Variants in NETO2 observed in about 807,000 individuals in gnomAD.
The protein encoded by NETO2 is neuropilin and tolloid like 2, also known as neuropilin and tolloid-like protein 2.
Under a neutral mutation model 62.5 loss-of-function variants are expected in NETO2, and 28 were observed. The observed-to-expected ratio is 0.45, with a 90% CI of 0.33 to 0.61. NETO2 has a LOEUF of 0.61. NETO2 is among the 20% of genes least tolerant of loss of function. The pLI is 0.02. For missense variants in NETO2, 548 were observed against 643.2 expected, an observed-to-expected ratio of 0.85 and a Z score of 1.60; for synonymous variants, 214 against 219.1, an observed-to-expected ratio of 0.98 and a Z score of 0.21.
intron 4 of NETO2, among the ~76,000 whole-genome samples, chr16:47,127,896 A>G (rs1050989905): frequency 2.0e-5 from 3 of 152,234 alleles, no homozygotes; most frequent in African/African-American, 7.2e-5. Context: ...TATTCTTTCT[A>G]TTGCTCAATA....
At position 47,078,040 on chromosome 16, in the gene NETO2, T is replaced by A. The variant is rs1455944675; in HGVS notation, c.*5181A>T. 1 of 152,240 alleles carries A rather than the reference T, an allele frequency of 6.6e-6. No homozygotes were observed. Among genetic ancestry groups the A allele is most frequent in the Non-Finnish European group, 1.5e-5 (1 of 68,038 alleles). The allele number at this position is 152,240 out of a possible 1,614,324, so 9.4% of individuals were successfully genotyped here. A position where few individuals can be genotyped will look rare whatever the true frequency, so the allele number is the denominator to read the frequency against. ...CCTCACTGCCTCTTCAGTGACCGGA[T>A]GCAGCAGACTGCAACCTGCAGGCAA... On this transcript the variant is annotated 3_prime_UTR_variant, in exon 9 of 9. Coordinates refer to ENST00000562435, the MANE Select transcript of NETO2 (RefSeq NM_018092.5).
chr16:47,083,375 T>C lies in NETO2; in HGVS notation c.1424A>G (p.Asn475Ser). The change falls in exon 9 of 9, where the codon AAT (asparagine) becomes AGT (serine). Residue 475 changes from asparagine (N) to serine (S), a missense_variant. Coordinates refer to ENST00000562435, the MANE Select transcript of NETO2 (RefSeq NM_018092.5). ...GTAACTACTTTTCTTGAAGGTGCTA[T>C]TAAATGTTTTCATTGGCTGTGGTTG... is the stretch of plus-strand genomic sequence containing the variant. ...FAQPQPMKTF[N>S]STFKKSSYTF... The C allele has an allele frequency of 5.6e-6, 9 of 1,614,232 alleles. No homozygotes were observed. Among genetic ancestry groups the C allele is most frequent in the Non-Finnish European group, 7.6e-6 (9 of 1,180,038 alleles).
At chr16:47,102,607 AC>A (rs1567385364) in intron 7 of NETO2, among the ~76,000 whole-genome samples, 1 of 150,452 alleles carries the variant, frequency 6.6e-6, no homozygotes, top group Non-Finnish European at 1.5e-5. Context: ...AAAAAAAAAA[AC>A]AACCCCATCA....
At chr16:47,129,444 G>T in intron 2 of NETO2, 80 bp from the exon 3 acceptor site, 3 of 1,409,622 alleles carry the variant, frequency 2.1e-6, no homozygotes, top group South Asian at 1.2e-5. Flanking sequence ...CTTTCCAAAC[G>T]ATTGCTCACT....
chr16:47,079,783 A>T lies in NETO2; in HGVS notation c.*3438T>A, dbSNP rs893999505. 1 of 152,238 alleles carries T rather than the reference A, an allele frequency of 6.6e-6. No homozygotes were observed. The highest frequency in any genetic ancestry group is 1.5e-5 in the Non-Finnish European group (1 of 68,050). The allele number at this position is 152,238 out of a possible 1,614,324, so 9.4% of individuals were successfully genotyped here. On this transcript the variant is annotated 3_prime_UTR_variant, in exon 9 of 9. Coordinates refer to ENST00000562435, the MANE Select transcript of NETO2 (RefSeq NM_018092.5). ...TTCAAGGCATATTATTTTTAATGTCATATAATTCATGTCACTTGCAATAAA... is the reference window on the plus strand; with the variant it reads ...TTCAAGGCATATTATTTTTAATGTCTTATAATTCATGTCACTTGCAATAAA...
At chr16:47,099,218 G>A (rs140532197) in intron 7 of NETO2, among the ~76,000 whole-genome samples, 26 of 152,178 alleles carry the variant, frequency 1.7e-4, no homozygotes, top group African/African-American at 4.6e-4. Context: ...ACTAAGCTTC[G>A]TAAGTGAAGG....
chr16:47,143,484 C>A (rs888668694), intron 1 of NETO2, 95 bp downstream of exon 1: 3 of 1,195,620 alleles, frequency 2.5e-6, no homozygotes, highest in Non-Finnish European at 3.1e-6. Context: ...CGTCGGGTCC[C>A]GGGCGCGGGT....
At chr16:47,084,485 C>T (rs768704305) in intron 8 of NETO2, among the ~76,000 whole-genome samples, 31 of 152,196 alleles carry the variant, frequency 2.0e-4, no homozygotes, top group Non-Finnish European at 4.1e-4. Flanking sequence ...ACCCGCAGCA[C>T]TGCCTCCTGT....
chr16:47,134,925 T>C (rs908441883), intron 1 of NETO2, among the ~76,000 whole-genome samples: 2 of 152,246 alleles, frequency 1.3e-5, no homozygotes, highest in African/African-American at 4.8e-5. Context: ...TTTTCAACTT[T>C]ATTTAGAGGG....
chr16:47,143,070 C>G (rs986207616), intron 1 of NETO2, among the ~76,000 whole-genome samples: 1 of 151,966 alleles, frequency 6.6e-6, no homozygotes, highest in Non-Finnish European at 1.5e-5. Flanking sequence ...GCTGGCCCAG[C>G]AGGCCCCGTT....
intron 6 of NETO2, among the ~76,000 whole-genome samples, chr16:47,111,446 T>C (rs1471624805): frequency 6.6e-6 from 1 of 152,240 alleles, no homozygotes; most frequent in African/African-American, 2.4e-5. Flanking sequence ...CAGCTAAATA[T>C]TGAATTGTTT....
chr16:47,121,707 A>T (rs765407193), intron 6 of NETO2, among the ~76,000 whole-genome samples: 4 of 152,184 alleles, frequency 2.6e-5, no homozygotes, highest in African/African-American at 4.8e-5. Flanking sequence ...TTCTTTTCTC[A>T]GTATGGGAAT....
chr16:47,136,254 A>T (rs1470698676), intron 1 of NETO2, among the ~76,000 whole-genome samples: 1 of 152,222 alleles, frequency 6.6e-6, no homozygotes, highest in Admixed American at 6.5e-5. Flanking sequence ...TGATCTGTTA[A>T]ATACATGCAG....
chr16:47,102,603 A>C (rs1260011486), intron 7 of NETO2, among the ~76,000 whole-genome samples: 2 of 149,710 alleles, frequency 1.3e-5, no homozygotes, highest in African/African-American at 2.5e-5. Context: ...AAAAAAAAAA[A>C]AAAACAACCC....
chr16:47,105,477 A>C (rs1475917733), intron 7 of NETO2, among the ~76,000 whole-genome samples: 1 of 152,216 alleles, frequency 6.6e-6, no homozygotes, highest in Non-Finnish European at 1.5e-5. Context: ...ACAACAAAAA[A>C]AACCCACATT....
chr16:47,142,312 T>G (rs192034480), intron 1 of NETO2, among the ~76,000 whole-genome samples: 1 of 152,224 alleles, frequency 6.6e-6, no homozygotes, highest in Non-Finnish European at 1.5e-5. Context: ...GTTACCTTAG[T>G]ACAAGCTGTA....
Position 47,129,336 on chromosome 16 carries a change from A to C in NETO2, c.120T>G (p.Ile40Met). ...QDGQNIGIKH[I>M]PATQCGIWVR... ...CCCAAATGCCACACTGGGTTGCAGG[A>C]ATATGCTTGATTCCAATATTTTGTC... is the stretch of plus-strand genomic sequence containing the variant. The change falls in exon 3 of 9, where the codon ATT (isoleucine) becomes ATG (methionine). Residue 40 changes from isoleucine to methionine, a missense_variant. Transcript: ENST00000562435. 6.2e-7 allele frequency: 1 copy of C among 1,614,026 alleles called. No individual in the cohort carries two copies. The highest frequency in any genetic ancestry group is 8.5e-7 in the Non-Finnish European group (1 of 1,179,958).
intron 6 of NETO2, among the ~76,000 whole-genome samples, chr16:47,120,436 AGGTATACAGTG>A (rs1310613508): frequency 6.6e-6 from 1 of 152,212 alleles, no homozygotes; most frequent in Non-Finnish European, 1.5e-5. Flanking sequence ...ATCATGATAT[AGGTATACAGTG>A]CATAATAATT....
intron 6 of NETO2, among the ~76,000 whole-genome samples, chr16:47,117,565 C>T (rs372538505): frequency 1.0e-3 from 158 of 152,242 alleles, no homozygotes; most frequent in African/African-American, 3.7e-3. Flanking sequence ...CCCCTCTGTA[C>T]TTCTGATTGG....
Sources: allele counts gnomAD v4.1 joint callset (sites outside exome capture counted in the v4.1 genomes callset), GRCh38; gene constraint gnomAD v4.1.1; transcripts MANE v1.5; gene names NCBI Gene and HGNC (gene_info 2026-07-23, HGNC 2026-07-21).